Variants in GAD1 observed in about 807,000 individuals in gnomAD.
GAD1 encodes glutamate decarboxylase 1, also known as 67 kDa glutamic acid decarboxylase.
A neutral mutation model predicts 75.2 loss-of-function variants in GAD1; 35 were observed. That is an observed-to-expected ratio of 0.47 (90% confidence interval 0.36 to 0.62). The LOEUF (loss-of-function observed/expected upper bound fraction) is 0.62, where lower values mean the gene tolerates loss of function less well. Ranked by LOEUF, GAD1 falls within the 20% of genes least tolerant of loss-of-function variation. The probability of loss-of-function intolerance (pLI) is 0.00; values close to 1 mark genes in which losing one functional copy is unlikely to be tolerated. For synonymous variants in GAD1, 257 were observed against 271.9 expected (o/e 0.95, Z 0.54); for missense variants, 490 against 758.5 (o/e 0.65, Z 4.16).
chr2:170,829,860 A>C (rs1702175135), intron 4 of GAD1: 1 of 548,532 alleles, frequency 1.8e-6, no homozygotes, highest in African/African-American at 1.9e-5. Context: ...AATAAAAGTC[A>C]ACTCTAAAGA....
intron 11 of GAD1, chr2:170,849,061 G>A: frequency 1.6e-6 from 1 of 609,512 alleles, no homozygotes; most frequent in South Asian, 1.8e-5. Context: ...TGGCCTAGCT[G>A]TATCACTTGT....
At chr2:170,854,470 G>A (rs1308598853) in intron 14 of GAD1, among the ~76,000 whole-genome samples, 2 of 144,916 alleles carry the variant, frequency 1.4e-5, no homozygotes, top group South Asian at 2.2e-4. Context: ...GCGCGATCTC[G>A]GCTCACTGCA....
chr2:170,822,188 C>A (rs746406741), intron 3 of GAD1, 39 bp downstream of exon 3: 39 of 1,575,470 alleles, frequency 2.5e-5, no homozygotes, highest in Non-Finnish European at 3.4e-5. Flanking sequence ...CTGGGTGGCG[C>A]GGCGGGCGGA....
intron 6 of GAD1, among the ~76,000 whole-genome samples, chr2:170,837,186 G>A (rs972575734): frequency 7.0e-4 from 106 of 152,124 alleles, no homozygotes; most frequent in African/African-American, 2.5e-3. Flanking sequence ...AAGAGGTTAT[G>A]TTTTGAGGTA....
intron 10 of GAD1, among the ~76,000 whole-genome samples, chr2:170,847,293 T>C (rs1161685589): frequency 1.3e-5 from 2 of 152,230 alleles, no homozygotes; most frequent in Admixed American, 6.5e-5. Flanking sequence ...TATTACTCTT[T>C]CCTGCTTTAT....
chr2:170,828,276 T>TTCCCTCTGCCATCCTCACCCTCC lies in GAD1; in HGVS notation c.146-1190_146-1189insCATCCTCACCCTCCTCCCTCTGC, dbSNP rs879567602. Among the ~76,000 whole-genome samples, 294 of 81,188 alleles carry TTCCCTCTGCCATCCTCACCCTCC rather than the reference T, an allele frequency of 3.6e-3. 10 individuals are homozygous for TTCCCTCTGCCATCCTCACCCTCC. The highest frequency in any genetic ancestry group is 0.014 in the African/African-American group (283 of 20,324). The allele number at this position is 81,188 out of a possible 152,430, so 53.3% of individuals were successfully genotyped here. A position where few individuals can be genotyped will look rare whatever the true frequency, so the allele number is the denominator to read the frequency against. On this transcript the variant is annotated intron_variant, in intron 3 of 16. Coordinates refer to ENST00000358196, the MANE Select transcript of GAD1 (RefSeq NM_000817.3). ...CTCTCTGCTGTCCTCACCCCTCCCC[T>TTCCCTCTGCCATCCTCACCCTCC]TCCCTCTGCTGTCCTCACCCTCCTC...
upstream of GAD1, among the ~76,000 whole-genome samples, chr2:170,815,301 A>T (rs1054839974): frequency 6.6e-6 from 1 of 152,154 alleles, no homozygotes; most frequent in African/African-American, 2.4e-5. Flanking sequence ...GCCGTTTAGG[A>T]TGTTTTTTGT....
At chr2:170,816,706 G>A (rs954958393), upstream of GAD1, 1 of 152,110 alleles carries the variant, frequency 6.6e-6, no homozygotes, top group Admixed American at 6.6e-5. Flanking sequence ...CCGTGAGCTG[G>A]ATTTATAATC....
intron 4 of GAD1, among the ~76,000 whole-genome samples, chr2:170,830,607 C>A (rs905719190): frequency 2.0e-5 from 3 of 152,218 alleles, no homozygotes; most frequent in African/African-American, 7.2e-5. Flanking sequence ...ACACCTGGTC[C>A]CAGGGGAGCA....
intron 11 of GAD1, chr2:170,848,914 C>G (rs1301154652): frequency 2.3e-6 from 1 of 425,778 alleles, no homozygotes; most frequent in Non-Finnish European, 4.6e-6. Context: ...AAGAACCAGA[C>G]AGCAGGCCTC....
At chr2:170,852,692 A>C (rs183956501) in intron 12 of GAD1, 22 bp from the exon 13 acceptor site, 1 of 1,610,294 alleles carries the variant, frequency 6.2e-7, no homozygotes, top group Non-Finnish European at 8.5e-7. Flanking sequence ...CACCTTCTCG[A>C]AGTCTCATGT....
rs887432655 is a variant in GAD1, at chr2:170,818,376, G to C, written c.-63-153G>C. 6.7e-6 allele frequency: 4 copies of C among 599,248 alleles called. No homozygotes were observed. The highest frequency in any genetic ancestry group is 3.7e-5 in the African/African-American group (2 of 53,936). 37.1% of individuals were successfully genotyped at this position (599,248 alleles called of 1,614,324 possible). A position where few individuals can be genotyped will look rare whatever the true frequency, so the allele number is the denominator to read the frequency against. On this transcript the variant is annotated intron_variant, in intron 1 of 16. Transcript: ENST00000358196. This position sits in a 1 kb window ranked among gnomAD's most constrained non-coding sequence, Gnocchi z 5.9. ...TCTCCTCCGCTGCCCCCACCCCTGC[G>C]CACCCCTACCAGGCAGGCTCGCTGC...
chr2:170,831,625 T>G (rs1702227604), intron 5 of GAD1, among the ~76,000 whole-genome samples: 1 of 146,042 alleles, frequency 6.8e-6, no homozygotes, highest in South Asian at 2.1e-4. Context: ...TGTGTGTGTG[T>G]GTGTGTGTGT....
chr2:170,816,217 G>C (rs1021774969), upstream of GAD1: 3 of 152,484 alleles, frequency 2.0e-5, no homozygotes, highest in Non-Finnish European at 2.9e-5. Context: ...GGGACGCGGG[G>C]TCCTTTTCTC....
intron 7 of GAD1, among the ~76,000 whole-genome samples, chr2:170,844,855 C>A (rs975757473): frequency 6.6e-6 from 1 of 152,010 alleles, no homozygotes; most frequent in African/African-American, 2.4e-5. Flanking sequence ...TCAAGCAGAC[C>A]ACAAATTTGC....
At chr2:170,836,932 C>T (rs1191168077) in intron 6 of GAD1, 49 bp downstream of exon 6, 16 of 1,325,150 alleles carry the variant, frequency 1.2e-5, no homozygotes, top group Admixed American at 8.6e-5. Flanking sequence ...ATGACTATGG[C>T]TTGTTGCTTT....
Position 170,829,726 on chromosome 2 carries a change from G to T in GAD1, c.304+93G>T, listed in dbSNP as rs183599836. The T allele has an allele frequency of 5.1e-5, 71 of 1,385,190 alleles. No homozygotes were observed. The African/African-American group carries it at 7.8e-4, about 15-fold the overall frequency. 85.8% of individuals were successfully genotyped at this position (1,385,190 alleles called of 1,614,324 possible). A position where few individuals can be genotyped will look rare whatever the true frequency, so the allele number is the denominator to read the frequency against. ...CCTGCAATTTTACTTCTTTTATCAA[G>T]AAATGTCATTATTCTCTCTGAACCC... On this transcript the variant is annotated intron_variant, in intron 4 of 16. Transcript: ENST00000358196.
upstream of GAD1, among the ~76,000 whole-genome samples, chr2:170,814,472 T>C (rs936572225): frequency 2.0e-5 from 3 of 152,146 alleles, no homozygotes; most frequent in Non-Finnish European, 4.4e-5. Flanking sequence ...AGAGTTCGAG[T>C]TGGAGGAGAT....
At chr2:170,854,576 A>T (rs917519530) in intron 14 of GAD1, among the ~76,000 whole-genome samples, 1 of 151,998 alleles carries the variant, frequency 6.6e-6, no homozygotes, top group African/African-American at 2.4e-5. Context: ...AATTTTTTAA[A>T]AAATATTTTT....
Sources: allele counts gnomAD v4.1 joint callset (sites outside exome capture counted in the v4.1 genomes callset), GRCh38; gene constraint gnomAD v4.1.1; non-coding constraint Gnocchi (gnomAD v3.1); transcripts MANE v1.5; gene names NCBI Gene and HGNC (gene_info 2026-07-23, HGNC 2026-07-21).